HELZ: variants seen among roughly 807,000 people sequenced by gnomAD.
The protein encoded by HELZ is ATP-dependent RNA helicase with zinc finger domain.
Under a neutral mutation model 218.2 loss-of-function variants are expected in HELZ, and 23 were observed. The ratio of observed to expected loss-of-function variants is 0.11; its 90% CI spans 0.08 to 0.15. HELZ has a LOEUF of 0.15. HELZ is among the 10% of genes least tolerant of loss of function. The pLI is 1.00. For synonymous variants in HELZ, 814 were observed against 829.4 expected, an observed-to-expected ratio of 0.98 and a Z score of 0.32; for missense variants, 1,813 against 2,353.7, an observed-to-expected ratio of 0.77 and a Z score of 4.75.
chr17:67,222,086 C>T (rs1049870386), intron 3 of HELZ, among the ~76,000 whole-genome samples: 2 of 152,166 alleles, frequency 1.3e-5, no homozygotes, highest in African/African-American at 4.8e-5. Flanking sequence ...AAAAGATCAT[C>T]CCAACTTGGC....
chr17:67,169,772 A>G (rs2039256352), intron 13 of HELZ, among the ~76,000 whole-genome samples: 2 of 152,306 alleles, frequency 1.3e-5, no homozygotes, highest in South Asian at 4.1e-4. Flanking sequence ...TCAGATACGG[A>G]TAAGACTCAA....
chr17:67,116,484 T>TAC (rs144779116), intron 27 of HELZ, among the ~76,000 whole-genome samples: 8,340 of 147,752 alleles, frequency 0.056, 299 homozygotes, highest in African/African-American at 0.1. Context: ...AAGGTAAAAA[T>TAC]ACACACACAC....
chr17:67,106,183 C>T (rs1358238673), intron 31 of HELZ, among the ~76,000 whole-genome samples: 2 of 151,950 alleles, frequency 1.3e-5, no homozygotes, highest in Admixed American at 6.5e-5. Flanking sequence ...ATCAGCTAGA[C>T]ATTTTTGTAG....
chr17:67,224,484 T>A lies in HELZ; in HGVS notation c.-18-5662A>T, dbSNP rs994911482. ...CAGTTTAGGTTGATATTTCAGGCAG[T>A]TGGAACCAAGACAGTCTTAATTTAG... On this transcript the variant is annotated intron_variant, in intron 3 of 32. Coordinates refer to ENST00000358691, the MANE Select transcript of HELZ (RefSeq NM_014877.4). 3 of 255,894 alleles carry A rather than the reference T, an allele frequency of 1.2e-5. No individual in the cohort carries two copies. The South Asian group carries it at 1.4e-4, about 12-fold the overall frequency. 15.9% of individuals were successfully genotyped at this position (255,894 alleles called of 1,614,324 possible).
chr17:67,227,512 A>G (rs1401618964), intron 3 of HELZ, among the ~76,000 whole-genome samples: 1 of 152,186 alleles, frequency 6.6e-6, no homozygotes, highest in East Asian at 1.9e-4. Context: ...AACTACAAAG[A>G]AGAAAATGCA....
chr17:67,120,843 T>C (rs1880079859), intron 26 of HELZ, among the ~76,000 whole-genome samples: 1 of 152,190 alleles, frequency 6.6e-6, no homozygotes, highest in South Asian at 2.1e-4. Context: ...GGAAAATAGA[T>C]CATTTTTCAG....
chr17:67,125,422 G>A (rs2037762921), intron 24 of HELZ, among the ~76,000 whole-genome samples: 2 of 147,242 alleles, frequency 1.4e-5, no homozygotes, highest in Non-Finnish European at 3.0e-5. Flanking sequence ...GATGGCAAAA[G>A]TATAAGATGA....
chr17:67,163,555 C>T (rs944761245), intron 15 of HELZ, among the ~76,000 whole-genome samples: 3 of 151,210 alleles, frequency 2.0e-5, no homozygotes, highest in South Asian at 2.1e-4. Context: ...CCCACCACCA[C>T]GCTCGGCTAA....
rs1216702677 is a variant in HELZ at position 67,134,544 on chromosome 17, AT to A, written c.3182+1425del. On this transcript the variant is annotated intron_variant, in intron 23 of 32. Coordinates refer to ENST00000358691, the MANE Select transcript of HELZ (RefSeq NM_014877.4). ...TCAAGCTTTGTTTTTTAAAAAAGAA[AT>A]TTTTTTTTCATAAATTAAAACTCTA... is the stretch of plus-strand genomic sequence containing the variant. Among the ~76,000 whole-genome samples the A allele has an allele frequency of 4.6e-5, 7 of 151,802 alleles. No individual in the cohort carries two copies. In the South Asian group the frequency reaches 6.2e-4, roughly 14 times the overall value.
Position 67,085,696 on chromosome 17 carries a change from T to C in HELZ, c.5494+1133A>G, listed in dbSNP as rs190644588. Among the ~76,000 whole-genome samples the C allele has an allele frequency of 2.4e-3, 373 of 152,292 alleles. 1 individual carries two copies. The highest frequency in any genetic ancestry group is 6.8e-3 in the Middle Eastern group (2 of 294). On this transcript the variant is annotated intron_variant, in intron 32 of 32. Coordinates refer to ENST00000358691, the MANE Select transcript of HELZ (RefSeq NM_014877.4). ...TTTGTTTCAAATAAAAAAGTTGATG[T>C]TACTGGGCAAAAATTCACCACACAA...
chr17:67,073,791 G>C lies in HELZ; in HGVS notation c.*4461C>G, dbSNP rs2035950732. On this transcript the variant is annotated 3_prime_UTR_variant, in exon 33 of 33. Transcript: ENST00000358691. ...ATGTGTTTAGTAAGATTCACTCCTT[G>C]CAACAATGGTCTTGACATTACTGAT... 6.6e-6 allele frequency: 1 copy of C among 152,128 alleles called. No homozygotes were observed. Among genetic ancestry groups the C allele is most frequent in the Non-Finnish European group, 1.5e-5 (1 of 68,022 alleles). 9.4% of individuals were successfully genotyped at this position (152,128 alleles called of 1,614,324 possible).
chr17:67,221,838 TTG>T (rs1249950518), intron 3 of HELZ, among the ~76,000 whole-genome samples: 28 of 150,864 alleles, frequency 1.9e-4, no homozygotes, highest in African/African-American at 6.9e-4. Flanking sequence ...TTGCTGTTTT[TTG>T]TGTTTTTTTT....
chr17:67,109,409 T>G lies in HELZ; in HGVS notation c.4196A>C (p.Asn1399Thr). ...CTGACTTTGCTGCTGGACTACCTGA[T>G]TTGGCTGAGGTGGTATCTGATTTGG... ...EQPNQIPPQPNQVVQQQSQLN... is the reference protein window; with the variant it reads ...EQPNQIPPQPTQVVQQQSQLN... Residue 1399 changes from asparagine (N) to threonine (T), a missense_variant, in exon 29 of 33, where the codon AAT becomes ACT. Coordinates refer to ENST00000358691, the MANE Select transcript of HELZ (RefSeq NM_014877.4). 6.2e-7 allele frequency: 1 copy of G among 1,614,138 alleles called. No individual in the cohort carries two copies. The highest frequency in any genetic ancestry group is 8.5e-7 in the Non-Finnish European group (1 of 1,180,030).
At chr17:67,090,485 C>A (rs2036545498) in intron 31 of HELZ, among the ~76,000 whole-genome samples, 1 of 152,078 alleles carries the variant, frequency 6.6e-6, no homozygotes, top group South Asian at 2.1e-4. Context: ...TTCTTCTTCA[C>A]ATTTTTGGAG....
At chr17:67,148,535 A>T (rs377282224) in intron 20 of HELZ, 34 bp downstream of exon 20, 2 of 1,588,092 alleles carry the variant, frequency 1.3e-6, no homozygotes, top group Non-Finnish European at 1.7e-6. Flanking sequence ...CAGACCAACG[A>T]AAGTATGACA....
Position 67,072,671 on chromosome 17 carries a change from A to T in HELZ, c.*5581T>A, listed in dbSNP as rs2035921946. The stretch of plus-strand genomic sequence containing the variant: ...GACCCCAGCAGGGGTGAGAGTGAGG[A>T]GGGGTGGTGGCCAATCCAAAGGGCC... On this transcript the variant is annotated 3_prime_UTR_variant, in exon 33 of 33. Coordinates refer to ENST00000358691, the MANE Select transcript of HELZ (RefSeq NM_014877.4). 6.6e-6 allele frequency: 1 copy of T among 152,216 alleles called. No individual in the cohort carries two copies. The highest frequency in any genetic ancestry group is 2.1e-4 in the South Asian group (1 of 4,826). The allele number at this position is 152,216 out of a possible 1,614,324, so 9.4% of individuals were successfully genotyped here.
rs2037650317 is a variant in HELZ at position 67,122,679 on chromosome 17, G to A, written c.3630+291C>T. Reference sequence around the variant, plus strand: ...GTCAAGATTACACCACTGCACTCCAGCCTAGGCAACAAGAGCAAAACTCTA... The same window carrying A: ...GTCAAGATTACACCACTGCACTCCAACCTAGGCAACAAGAGCAAAACTCTA... On this transcript the variant is annotated intron_variant, in intron 26 of 32. Coordinates refer to ENST00000358691, the MANE Select transcript of HELZ (RefSeq NM_014877.4). 2.0e-5 allele frequency among the ~76,000 whole-genome samples: 3 copies of A among 152,092 alleles called. No individual in the cohort carries two copies. The South Asian group carries it at 6.2e-4, about 32-fold the overall frequency.
intron 24 of HELZ, 48 bp downstream of exon 24, chr17:67,128,603 G>A (rs187467545): frequency 4.9e-5 from 74 of 1,517,628 alleles, no homozygotes; most frequent in Non-Finnish European, 5.9e-5. Flanking sequence ...GCACTTCTGC[G>A]AAGTTTTCTC....
In HELZ at chr17:67,188,120, C is replaced by T; in HGVS notation, c.1162+199G>A. ...GGGGAACCTCAAAGTTCAAGCTTTA[C>T]CTGGTGGCTCTGTGAAGAAATCAGG... On this transcript the variant is annotated intron_variant, in intron 12 of 32. Coordinates refer to ENST00000358691, the MANE Select transcript of HELZ (RefSeq NM_014877.4). The surrounding 1 kb of genome is among the most constrained non-coding windows in gnomAD (Gnocchi z 4.1). The T allele has an allele frequency of 2.0e-6, 1 of 511,488 alleles. No homozygotes were observed. Among genetic ancestry groups the T allele is most frequent in the Non-Finnish European group, 3.4e-6 (1 of 294,008 alleles). The allele number at this position is 511,488 out of a possible 1,614,324, so 31.7% of individuals were successfully genotyped here.
Sources: allele counts gnomAD v4.1 joint callset (sites outside exome capture counted in the v4.1 genomes callset), GRCh38; gene constraint gnomAD v4.1.1; non-coding constraint Gnocchi (gnomAD v3.1); transcripts MANE v1.5; gene names NCBI Gene and HGNC (gene_info 2026-07-23, HGNC 2026-07-21).